GAB2: variants seen among roughly 807,000 people sequenced by gnomAD.
GAB2 encodes GRB2 associated binding protein 2.
A neutral mutation model predicts 65.5 loss-of-function variants in GAB2; 26 were observed. The ratio of observed to expected loss-of-function variants is 0.40; its 90% CI spans 0.29 to 0.55. The LOEUF is 0.55. Among genes scored for constraint, GAB2 ranks in the 20% least tolerant of loss-of-function variants. The probability of loss-of-function intolerance (pLI) is 0.53; values close to 1 mark genes in which losing one functional copy is unlikely to be tolerated. For missense variants in GAB2, 884 were observed against 875.8 expected (o/e 1.01, Z -0.12); for synonymous variants, 321 against 329.6 (o/e 0.97, Z 0.28).
At chr11:78,277,974 T>A (rs950912409) in intron 2 of GAB2, among the ~76,000 whole-genome samples, 4 of 152,220 alleles carry the variant, frequency 2.6e-5, no homozygotes, top group South Asian at 2.1e-4. Context: ...GAGGCAAGAA[T>A]TGAGGTTGCT....
chr11:78,295,343 G>A (rs1001365866), intron 1 of GAB2, among the ~76,000 whole-genome samples: 8 of 151,976 alleles, frequency 5.3e-5, no homozygotes, highest in African/African-American at 9.7e-5. Context: ...CCATATGTCC[G>A]AACCAGTTTG....
chr11:78,405,109 T>A (rs1227193310), intron 1 of GAB2, among the ~76,000 whole-genome samples: 1 of 146,150 alleles, frequency 6.8e-6, no homozygotes, highest in Non-Finnish European at 1.5e-5. Context: ...TTTTTTTTTT[T>A]TTTTTTTGAG....
At chr11:78,404,512 A>T (rs1857015650) in intron 1 of GAB2, among the ~76,000 whole-genome samples, 1 of 152,238 alleles carries the variant, frequency 6.6e-6, no homozygotes, top group South Asian at 2.1e-4. Flanking sequence ...GTACCACTAC[A>T]CCTCTTGGTA....
intron 1 of GAB2, among the ~76,000 whole-genome samples, chr11:78,295,566 C>T (rs556076651): frequency 9.2e-5 from 14 of 152,250 alleles, no homozygotes; most frequent in Middle Eastern, 6.8e-3. Context: ...ATGGAAAGGG[C>T]AGACAAGTAC....
intron 2 of GAB2, among the ~76,000 whole-genome samples, chr11:78,275,820 G>T (rs1344876199): frequency 6.6e-6 from 1 of 151,848 alleles, no homozygotes; most frequent in Non-Finnish European, 1.5e-5. Context: ...ATATATGAAT[G>T]AATATATTTC....
chr11:78,355,389 T>C (rs1442556986), intron 1 of GAB2, among the ~76,000 whole-genome samples: 1 of 152,034 alleles, frequency 6.6e-6, no homozygotes, highest in Non-Finnish European at 1.5e-5. Context: ...GAGACAGGAG[T>C]GAAATAGTAT....
At chr11:78,358,872 G>A (rs1353310552) in intron 1 of GAB2, among the ~76,000 whole-genome samples, 1 of 152,022 alleles carries the variant, frequency 6.6e-6, no homozygotes, top group Non-Finnish European at 1.5e-5. Flanking sequence ...AGAGAAGCTT[G>A]AAAAAATTAG....
At chr11:78,295,419 T>G (rs768794526) in intron 1 of GAB2, among the ~76,000 whole-genome samples, 1 of 152,188 alleles carries the variant, frequency 6.6e-6, no homozygotes, top group Non-Finnish European at 1.5e-5. Flanking sequence ...TCAATCCACT[T>G]TCTTTTTCCT....
At position 78,298,171 on chromosome 11, in the gene GAB2, T is replaced by C. The variant is rs1316309370; in HGVS notation, c.76-17270A>G. On this transcript the variant is annotated intron_variant, in intron 1 of 9. Transcript: ENST00000361507. ...TACTGCTCAAGAAATAATGGTGATATGGACCAGGGCAGTGGCAAAAGGTAT... is the reference window on the plus strand; with the variant it reads ...TACTGCTCAAGAAATAATGGTGATACGGACCAGGGCAGTGGCAAAAGGTAT... Among the ~76,000 whole-genome samples, 8 of 152,120 alleles carry C rather than the reference T, an allele frequency of 5.3e-5. 1 individual carries two copies. Among genetic ancestry groups the C allele is most frequent in the Admixed American group, 5.2e-4 (8 of 15,266 alleles).
chr11:78,309,512 C>T (rs1855443491), intron 1 of GAB2, among the ~76,000 whole-genome samples: 1 of 147,508 alleles, frequency 6.8e-6, no homozygotes. Context: ...GTCTGTCGCT[C>T]AGGCTGGAGT....
intron 1 of GAB2, among the ~76,000 whole-genome samples, chr11:78,292,275 T>C (rs530138792): frequency 8.6e-4 from 131 of 152,250 alleles, no homozygotes; most frequent in Admixed American, 1.6e-3. Flanking sequence ...ACACGCCTAT[T>C]CCAGGAGTTT....
chr11:78,401,158 T>C (rs1236897508), intron 1 of GAB2, among the ~76,000 whole-genome samples: 1 of 152,012 alleles, frequency 6.6e-6, no homozygotes, highest in African/African-American at 2.4e-5. Context: ...ACAAAATTTA[T>C]CATCTTATCA....
chr11:78,366,893 C>G (rs977991256), intron 1 of GAB2, among the ~76,000 whole-genome samples: 10 of 151,826 alleles, frequency 6.6e-5, no homozygotes, highest in Non-Finnish European at 1.2e-4. Flanking sequence ...CATCTTTATT[C>G]ACAAAGTTAC....
chr11:78,338,691 A>C (rs1330856831), intron 1 of GAB2, among the ~76,000 whole-genome samples: 1 of 152,102 alleles, frequency 6.6e-6, no homozygotes, highest in Non-Finnish European at 1.5e-5. Context: ...ACACAGTGTC[A>C]AAAAAACCAG....
chr11:78,270,669 T>C (rs1034335769), intron 2 of GAB2, among the ~76,000 whole-genome samples: 2 of 152,246 alleles, frequency 1.3e-5, no homozygotes, highest in Non-Finnish European at 2.9e-5. Context: ...TTGTATAGAC[T>C]ATAAAGTTCT....
chr11:78,363,581 A>ATTTTCT (rs1565173897), intron 1 of GAB2, among the ~76,000 whole-genome samples: 3 of 146,408 alleles, frequency 2.0e-5, no homozygotes, highest in African/African-American at 7.7e-5. Context: ...ATAGAAATAT[A>ATTTTCT]TTTTCTTTTT....
intron 1 of GAB2, among the ~76,000 whole-genome samples, chr11:78,352,683 G>A (rs1408524951): frequency 6.6e-6 from 1 of 152,096 alleles, no homozygotes; most frequent in Non-Finnish European, 1.5e-5. Context: ...CTCATTGATG[G>A]GAATGATCTA....
intron 1 of GAB2, among the ~76,000 whole-genome samples, chr11:78,323,954 T>C (rs756180224): frequency 2.0e-5 from 3 of 151,894 alleles, no homozygotes; most frequent in Non-Finnish European, 4.4e-5. Flanking sequence ...CCTGCCACCA[T>C]GCCTGGCTAA....
intron 1 of GAB2, among the ~76,000 whole-genome samples, chr11:78,404,897 C>G (rs73502972): frequency 0.063 from 9,612 of 152,170 alleles, 980 homozygotes; most frequent in African/African-American, 0.22. Flanking sequence ...AATAACAAGA[C>G]TGGAATTGGA....
Sources: gnomAD v4.1 joint callset for allele counts (sites outside exome capture counted in the v4.1 genomes callset) on GRCh38, gnomAD v4.1.1 for gene constraint, MANE v1.5 for transcripts, NCBI Gene and HGNC (gene_info 2026-07-23, HGNC 2026-07-21) for gene names.